Variants in CSTA observed in about 807,000 individuals in gnomAD.
The protein encoded by CSTA is cystatin-A.
Under a neutral mutation model 9.2 loss-of-function variants are expected in CSTA, and 9 were observed. The ratio of observed to expected loss-of-function variants is 0.97; its 90% CI spans 0.59 to 1.70. The LOEUF is 1.70. CSTA is among the 40% of genes most tolerant of loss of function. CSTA has a pLI of 0.00. For synonymous variants in CSTA, 36 were observed against 40.6 expected, an observed-to-expected ratio of 0.89 and a Z score of 0.43; for missense variants, 118 against 113.1, an observed-to-expected ratio of 1.04 and a Z score of -0.20.
chr3:122,332,696 C>T (rs1294088944), intron 1 of CSTA, among the ~76,000 whole-genome samples: 1 of 152,196 alleles, frequency 6.6e-6, no homozygotes, highest in Non-Finnish European at 1.5e-5. Context: ...GTAGCCTCCT[C>T]CCCGGCTGGA....
At chr3:122,328,794 A>G (rs1403418250) in intron 1 of CSTA, among the ~76,000 whole-genome samples, 2 of 151,270 alleles carry the variant, frequency 1.3e-5, no homozygotes, top group Non-Finnish European at 2.9e-5. Flanking sequence ...CTAGAAAATT[A>G]GCTGGGCGTG....
At chr3:122,337,720 C>T (rs1387210576) in intron 2 of CSTA, 72 bp downstream of exon 2, 5 of 1,012,300 alleles carry the variant, frequency 4.9e-6, no homozygotes, top group Non-Finnish European at 7.9e-6. Context: ...CCCTGATTTC[C>T]CTACCACATA....
chr3:122,331,176 C>G (rs1455966281), intron 1 of CSTA, among the ~76,000 whole-genome samples: 1 of 151,412 alleles, frequency 6.6e-6, no homozygotes, highest in Non-Finnish European at 1.5e-5. Flanking sequence ...TTGCTGAATA[C>G]TATTCCTGGC....
intron 1 of CSTA, among the ~76,000 whole-genome samples, chr3:122,329,547 C>T (rs112987743): frequency 0.035 from 5,303 of 152,150 alleles, 301 homozygotes; most frequent in African/African-American, 0.12. Context: ...GCCTGGCCAA[C>T]AAAGCGAGAC....
At position 122,341,489 on chromosome 3, in the gene CSTA, T is replaced by C; in HGVS notation, c.219T>C (p.Leu73=). Residue 73 remains leucine (L), a synonymous_variant, in exon 3 of 3, where the codon CTT becomes CTC. Coordinates refer to ENST00000264474, the MANE Select transcript of CSTA (RefSeq NM_005213.4). ...TGCACTTGAAAGTATTCAAAAGTCT[T>C]CCCGGACAAAATGAGGACTTGGTAC... The part of the protein sequence containing the change: ...KYMHLKVFKS[L]PGQNEDLVLT... 1 of 1,614,078 alleles carries C rather than the reference T, an allele frequency of 6.2e-7. No homozygotes were observed. Among genetic ancestry groups the C allele is most frequent in the Non-Finnish European group, 8.5e-7 (1 of 1,179,966 alleles).
At chr3:122,332,568 A>G (rs1399331202) in intron 1 of CSTA, among the ~76,000 whole-genome samples, 1 of 152,140 alleles carries the variant, frequency 6.6e-6, no homozygotes. Context: ...TGGGTGCCTC[A>G]TGGCTCAAAT....
At chr3:122,337,274 A>G (rs1173078219) in intron 1 of CSTA, among the ~76,000 whole-genome samples, 1 of 152,240 alleles carries the variant, frequency 6.6e-6, no homozygotes, top group Admixed American at 6.5e-5. Flanking sequence ...TCAAAGATAC[A>G]TATAACTCTT....
rs144802947 is a variant in CSTA, at chr3:122,341,462, T to A, written c.192T>A (p.Tyr64Ter). The change falls in exon 3 of 3, where the codon TAT becomes TAA. Residue 64 changes from tyrosine (Y) to a stop codon, truncating the protein, a stop_gained. Coordinates refer to ENST00000264474, the MANE Select transcript of CSTA (RefSeq NM_005213.4). LOFTEE classifies it low-confidence loss of function (END_TRUNC). ...AGGTACGAGCAGGTGATAATAAATA[T>A]ATGCACTTGAAAGTATTCAAAAGTC... is the stretch of plus-strand genomic sequence containing the variant. Reference protein sequence around the residue: ...YIKVRAGDNKYMHLKVFKSLP... With the variant: ...YIKVRAGDNK The A allele has an allele frequency of 1.2e-5, 19 of 1,613,866 alleles. No homozygotes were observed. The African/African-American group carries it at 1.7e-4, about 15-fold the overall frequency.
In CSTA at chr3:122,341,878, A is replaced by G; in HGVS notation, c.*311A>G. The G allele has an allele frequency of 1.1e-5, 4 of 359,122 alleles. No individual in the cohort carries two copies. Among genetic ancestry groups the G allele is most frequent in the South Asian group, 1.0e-4 (4 of 38,700 alleles). The allele number at this position is 359,122 out of a possible 1,614,324, so 22.2% of individuals were successfully genotyped here. On this transcript the variant is annotated 3_prime_UTR_variant, in exon 3 of 3. Coordinates refer to ENST00000264474, the MANE Select transcript of CSTA (RefSeq NM_005213.4). ...AGGCAGGCTGGATCGTGGACTATCA[A>G]TTCACCAGCCTCCTTGTTCCCTGTG...
chr3:122,334,410 G>A (rs765202197), intron 1 of CSTA, among the ~76,000 whole-genome samples: 1 of 152,074 alleles, frequency 6.6e-6, no homozygotes, highest in Non-Finnish European at 1.5e-5. Flanking sequence ...CCGGGAATTC[G>A]AGGCTGCAGT....
chr3:122,336,827 C>A (rs1263372573), intron 1 of CSTA, among the ~76,000 whole-genome samples: 2 of 152,170 alleles, frequency 1.3e-5, no homozygotes, highest in African/African-American at 2.4e-5. Context: ...GCTATCCTTA[C>A]AAACATGTAT....
rs1559981639 is a variant in CSTA, at chr3:122,333,600, G to GAA, written c.67-3946_67-3945insAA. The stretch of plus-strand genomic sequence containing the variant: ...GAAAGAAAGAAAGAAAGAAGAAAGA[G>GAA]AGAGAGAGGAAGGAAGGAAAAGGAA... On this transcript the variant is annotated intron_variant, in intron 1 of 2. Transcript: ENST00000264474. 5.1e-5 allele frequency among the ~76,000 whole-genome samples: 6 copies of GAA among 118,374 alleles called. No homozygotes were observed. The East Asian group carries it at 1.5e-3, about 30-fold the overall frequency. 77.7% of individuals were successfully genotyped at this position (118,374 alleles called of 152,430 possible). A position where few individuals can be genotyped will look rare whatever the true frequency, so the allele number is the denominator to read the frequency against.
chr3:122,338,342 A>G (rs569291751), intron 2 of CSTA: 2 of 152,332 alleles, frequency 1.3e-5, no homozygotes, highest in South Asian at 2.1e-4. Flanking sequence ...GTCCTTATAT[A>G]TTAAGAAGAT....
chr3:122,330,408 AG>A (rs1389094653), intron 1 of CSTA, among the ~76,000 whole-genome samples: 1 of 152,228 alleles, frequency 6.6e-6, no homozygotes, highest in African/African-American at 2.4e-5. Context: ...AGAAAAGGGA[AG>A]AGTGTCAAAG....
intron 1 of CSTA, among the ~76,000 whole-genome samples, 160 bp downstream of exon 1, chr3:122,325,518 T>G (rs781207605): frequency 2.6e-5 from 4 of 152,264 alleles, no homozygotes; most frequent in Non-Finnish European, 5.9e-5. Context: ...GTTTTTCAGA[T>G]GAAGCCTCAA....
At chr3:122,328,949 A>C (rs936258115) in intron 1 of CSTA, among the ~76,000 whole-genome samples, 1 of 150,374 alleles carries the variant, frequency 6.7e-6, no homozygotes, top group South Asian at 2.1e-4. Flanking sequence ...TCAAAAAGTA[A>C]AAAAAAATTA....
At position 122,341,230 on chromosome 3, in the gene CSTA, G is replaced by A. The variant is rs9839253; in HGVS notation, c.169-209G>A. Among the ~76,000 whole-genome samples, 18,699 of 151,946 alleles carry A rather than the reference G, an allele frequency of 0.12. 1,526 individuals are homozygous for A. Among genetic ancestry groups the A allele is most frequent in the East Asian group, 0.44 (2,252 of 5,160 alleles). On this transcript the variant is annotated intron_variant, in intron 2 of 2. Transcript: ENST00000264474. ...TGCTAGGATTACAGGTGGGAGCCAC[G>A]GCACCCAGCCTAGTCTGCTCTTTTT...
intron 1 of CSTA, among the ~76,000 whole-genome samples, chr3:122,326,004 CT>C (rs2075168947): frequency 6.6e-6 from 1 of 151,970 alleles, no homozygotes; most frequent in South Asian, 2.1e-4. Context: ...TTTTTCACTT[CT>C]TCTTTTTTGT....
intron 1 of CSTA, among the ~76,000 whole-genome samples, chr3:122,335,306 T>C (rs1367230150): frequency 1.3e-5 from 2 of 152,176 alleles, no homozygotes; most frequent in African/African-American, 4.8e-5. Context: ...AAAAGAGACT[T>C]TGCAGGTGTG....
Sources: allele counts gnomAD v4.1 joint callset (sites outside exome capture counted in the v4.1 genomes callset), GRCh38; gene constraint gnomAD v4.1.1; transcripts MANE v1.5; gene names NCBI Gene and HGNC (gene_info 2026-07-23, HGNC 2026-07-21).